Variants in CALN1 observed in about 807,000 individuals in gnomAD.
The protein encoded by CALN1 is calcium-binding protein 8.
CALN1 carries 17 observed loss-of-function variants against 30.6 expected under a neutral mutation model. The ratio of observed to expected loss-of-function variants is 0.56; its 90% CI spans 0.38 to 0.83. CALN1 has a LOEUF of 0.83. Among genes scored for constraint, CALN1 ranks in the 40% least tolerant of loss-of-function variants. The pLI is 0.00. For missense variants in CALN1, 291 were observed against 354.9 expected (o/e 0.82, Z 1.45); for synonymous variants, 156 against 131.4 (o/e 1.19, Z -1.28).
chr7:72,147,929 C>G (rs1244302751), intron 3 of CALN1, among the ~76,000 whole-genome samples: 1 of 131,730 alleles, frequency 7.6e-6, no homozygotes, highest in African/African-American at 3.0e-5. Context: ...AGGGGGACAT[C>G]ACACACCAGG....
intron 5 of CALN1, among the ~76,000 whole-genome samples, chr7:71,982,360 G>A (rs769232962): frequency 4.6e-5 from 7 of 152,142 alleles, no homozygotes; most frequent in African/African-American, 7.2e-5. Flanking sequence ...TTTGGGAGGC[G>A]GAGGCAGGTG....
intron 4 of CALN1, among the ~76,000 whole-genome samples, chr7:72,026,201 T>C (rs1260687640): frequency 6.6e-6 from 1 of 152,186 alleles, no homozygotes; most frequent in Non-Finnish European, 1.5e-5. Flanking sequence ...CTATAATGCA[T>C]TCCTGGTGTA....
At chr7:72,221,312 C>CTTTTTTTTTTTTTTTTTTTTTTTTTTTT (rs1174615183) in intron 3 of CALN1, among the ~76,000 whole-genome samples, 1 of 88,968 alleles carries the variant, frequency 1.1e-5, no homozygotes, top group Non-Finnish European at 2.1e-5. Flanking sequence ...GTCTTGGCTT[C>CTTTTTTTTTTTTTTTTTTTTTTTTTTTT]TTTTTTTTTT....
intron 2 of CALN1, among the ~76,000 whole-genome samples, chr7:72,368,185 CTGTATATATATATGTGTG>C (rs1445389167): frequency 4.7e-5 from 7 of 149,978 alleles, no homozygotes; most frequent in Non-Finnish European, 1.0e-4. Context: ...ATATGTGTAT[CTGTATATATATATGTGTG>C]TGTATATATA....
intron 4 of CALN1, among the ~76,000 whole-genome samples, chr7:72,028,203 T>G (rs963244627): frequency 6.6e-5 from 10 of 152,140 alleles, no homozygotes; most frequent in Middle Eastern, 3.4e-3. Context: ...AACCCATGCT[T>G]GCCAGCACCA....
intron 4 of CALN1, among the ~76,000 whole-genome samples, chr7:72,058,616 G>C (rs1006142980): frequency 2.0e-5 from 3 of 152,086 alleles, no homozygotes; most frequent in Non-Finnish European, 2.9e-5. Context: ...ACCATGCCTG[G>C]TCAACAAGCT....
intron 1 of CALN1, among the ~76,000 whole-genome samples, chr7:72,438,697 G>A (rs1020341451): frequency 1.3e-5 from 2 of 151,980 alleles, no homozygotes; most frequent in African/African-American, 2.4e-5. Context: ...TTCTAACTCC[G>A]AGGGACACTT....
intron 1 of CALN1, among the ~76,000 whole-genome samples, chr7:72,404,272 G>C (rs1313723195): frequency 6.6e-6 from 1 of 152,166 alleles, no homozygotes; most frequent in African/African-American, 2.4e-5. Flanking sequence ...AAAAACCCCA[G>C]GCAGGGAAGA....
At chr7:71,999,359 A>T (rs767966054) in intron 5 of CALN1, among the ~76,000 whole-genome samples, 5 of 152,172 alleles carry the variant, frequency 3.3e-5, no homozygotes, top group Non-Finnish European at 7.3e-5. Context: ...AAAACAGACA[A>T]ATTCACAATT....
intron 3 of CALN1, among the ~76,000 whole-genome samples, chr7:72,146,148 A>T (rs1394750409): frequency 2.8e-4 from 43 of 152,226 alleles, no homozygotes; most frequent in Admixed American, 2.8e-3. Context: ...AAAGAAATAA[A>T]GGGTATTCAA....
Position 72,276,664 on chromosome 7 carries a change from T to C in CALN1, c.244+2022A>G, listed in dbSNP as rs376946398. ...TCATTATCCAGAGCGTGGACTATTA[T>C]AAAAGTGAGTTTAGCCCTCTCTTGC... is the stretch of plus-strand genomic sequence containing the variant. On this transcript the variant is annotated intron_variant, in intron 3 of 6. Transcript: ENST00000395275. Among the ~76,000 whole-genome samples, 150 of 152,222 alleles carry C rather than the reference T, an allele frequency of 9.9e-4. 1 individual carries two copies. The highest frequency in any genetic ancestry group is 6.8e-3 in the Middle Eastern group (2 of 294).
intron 3 of CALN1, among the ~76,000 whole-genome samples, chr7:72,130,504 G>C (rs1241659419): frequency 6.6e-6 from 1 of 152,110 alleles, no homozygotes; most frequent in Admixed American, 6.5e-5. Context: ...GTAAATATTA[G>C]GTTGGTGCAA....
chr7:72,042,739 A>AAAAT (rs1802208707), intron 4 of CALN1, among the ~76,000 whole-genome samples: 1 of 152,154 alleles, frequency 6.6e-6, no homozygotes. Flanking sequence ...TTACCACTTA[A>AAAAT]AAATAAATAA....
chr7:72,142,434 G>T (rs1214360804), intron 3 of CALN1, among the ~76,000 whole-genome samples: 1 of 152,188 alleles, frequency 6.6e-6, no homozygotes, highest in African/African-American at 2.4e-5. Context: ...AGGGGCACCT[G>T]CCATTGCTGA....
chr7:71,869,236 G>A (rs1367131442), intron 5 of CALN1, among the ~76,000 whole-genome samples: 1 of 150,452 alleles, frequency 6.6e-6, no homozygotes, highest in Admixed American at 6.6e-5. Context: ...TTGAGATGGA[G>A]TTTCACTCTT....
intron 2 of CALN1, among the ~76,000 whole-genome samples, chr7:72,287,882 G>C (rs1023318600): frequency 2.0e-5 from 3 of 152,004 alleles, no homozygotes; most frequent in Non-Finnish European, 2.9e-5. Flanking sequence ...TGCATATCTA[G>C]ATAAAATACT....
At chr7:72,136,059 A>C (rs1169909888) in intron 3 of CALN1, among the ~76,000 whole-genome samples, 3 of 151,918 alleles carry the variant, frequency 2.0e-5, no homozygotes, top group Non-Finnish European at 2.9e-5. Context: ...GCTTGAATCC[A>C]GGAGGGCAGA....
chr7:71,957,868 C>A (rs1253197629), intron 5 of CALN1, among the ~76,000 whole-genome samples: 2 of 151,812 alleles, frequency 1.3e-5, no homozygotes, highest in Non-Finnish European at 2.9e-5. Flanking sequence ...AGTTCGAGAC[C>A]AACCTGGCCA....
intron 3 of CALN1, among the ~76,000 whole-genome samples, chr7:72,234,217 G>A (rs896212717): frequency 5.9e-5 from 9 of 152,090 alleles, no homozygotes; most frequent in African/African-American, 1.7e-4. Flanking sequence ...ACCCTACAGA[G>A]CACAGAGAAA....
Sources: allele counts gnomAD v4.1 joint callset (sites outside exome capture counted in the v4.1 genomes callset), GRCh38; gene constraint gnomAD v4.1.1; transcripts MANE v1.5; gene names NCBI Gene and HGNC (gene_info 2026-07-23, HGNC 2026-07-21).